The following AMPH variants were observed in gnomAD, a reference collection of about 807,000 sequenced individuals.
AMPH encodes amphiphysin, also known as amphiphysin (Stiff-Mann syndrome with breast cancer 128kD autoantigen).
AMPH carries 49 observed loss-of-function variants against 99.1 expected under a neutral mutation model. The observed-to-expected ratio is 0.49, with a 90% CI of 0.39 to 0.63. The LOEUF (loss-of-function observed/expected upper bound fraction) is 0.63. Ranked by LOEUF, AMPH falls within the 20% of genes least tolerant of loss-of-function variation. The probability of loss-of-function intolerance (pLI) is 0.00; values close to 1 mark genes in which losing one functional copy is unlikely to be tolerated. For missense variants in AMPH, 759 were observed against 863.4 expected (o/e 0.88, Z 1.52); for synonymous variants, 314 against 317.3 (o/e 0.99, Z 0.11).
At chr7:38,411,994 T>C (rs1164613001) in intron 17 of AMPH, among the ~76,000 whole-genome samples, 1 of 152,230 alleles carries the variant, frequency 6.6e-6, no homozygotes, top group Admixed American at 6.5e-5. Flanking sequence ...AACCATCTTA[T>C]AATCATGTGT....
chr7:38,476,758 G>T lies in AMPH; in HGVS notation c.504+104C>A, dbSNP rs192924319. ...TATGTTTCAGTTTAAATTCTGTTCA[G>T]ATTCCAATCTCCTTTTATAGAGGAG... On this transcript the variant is annotated intron_variant, in intron 6 of 20. Coordinates refer to ENST00000356264, the MANE Select transcript of AMPH (RefSeq NM_001635.4). The T allele has an allele frequency of 5.4e-6, 4 of 741,932 alleles. No homozygotes were observed. In the East Asian group the frequency reaches 7.8e-5, roughly 14 times the overall value. 46.0% of individuals were successfully genotyped at this position (741,932 alleles called of 1,614,324 possible). A position where few individuals can be genotyped will look rare whatever the true frequency, so the allele number is the denominator to read the frequency against.
intron 4 of AMPH, among the ~76,000 whole-genome samples, chr7:38,492,340 CAG>C (rs1429880994): frequency 3.3e-5 from 5 of 152,166 alleles, no homozygotes; most frequent in African/African-American, 1.2e-4. Flanking sequence ...GGCCAGTGCT[CAG>C]AGAGTCACCT....
chr7:38,563,446 C>G (rs537538621), intron 1 of AMPH, among the ~76,000 whole-genome samples: 18 of 152,134 alleles, frequency 1.2e-4, no homozygotes, highest in Non-Finnish European at 1.9e-4. Context: ...AGGCTATGAG[C>G]TCCACAAAAG....
intron 17 of AMPH, among the ~76,000 whole-genome samples, chr7:38,416,235 T>C (rs1046226797): frequency 1.3e-5 from 2 of 151,696 alleles, no homozygotes; most frequent in South Asian, 2.1e-4. Context: ...GATCGGTTTG[T>C]TGAAATGAGG....
chr7:38,581,580 G>A (rs66839065), intron 1 of AMPH, among the ~76,000 whole-genome samples: 42,778 of 152,026 alleles, frequency 0.28, 6,423 homozygotes, highest in Non-Finnish European at 0.34. Context: ...TTTGGGACAC[G>A]ATAGAGCCTC....
intron 15 of AMPH, among the ~76,000 whole-genome samples, chr7:38,424,893 T>G (rs73350721): frequency 0.022 from 3,308 of 152,164 alleles, 109 homozygotes; most frequent in African/African-American, 0.072. Flanking sequence ...GGAAGCAGGT[T>G]TCTTACAAAA....
At chr7:38,427,069 G>C in intron 14 of AMPH, 83 bp from the exon 15 acceptor site, 2 of 1,265,474 alleles carry the variant, frequency 1.6e-6, no homozygotes, top group Non-Finnish European at 2.3e-6. Context: ...AGACAAGTTG[G>C]AAAGTAAAGA....
chr7:38,585,939 A>G (rs1456448275), intron 1 of AMPH, among the ~76,000 whole-genome samples: 1 of 152,230 alleles, frequency 6.6e-6, no homozygotes, highest in Non-Finnish European at 1.5e-5. Flanking sequence ...CTAGCCTGAG[A>G]GATTTTTTTC....
intron 3 of AMPH, among the ~76,000 whole-genome samples, chr7:38,500,112 C>T (rs901589772): frequency 6.6e-6 from 1 of 152,158 alleles, no homozygotes; most frequent in Non-Finnish European, 1.5e-5. Context: ...GGTCCCAAAA[C>T]CCAAAATGTG....
chr7:38,526,597 T>A (rs1790199698), intron 2 of AMPH, among the ~76,000 whole-genome samples: 1 of 151,940 alleles, frequency 6.6e-6, no homozygotes, highest in Non-Finnish European at 1.5e-5. Flanking sequence ...ATTTTGCCCA[T>A]TTTCTAATGG....
chr7:38,410,076 G>A (rs955806755), intron 17 of AMPH, among the ~76,000 whole-genome samples: 4 of 152,206 alleles, frequency 2.6e-5, no homozygotes, highest in Non-Finnish European at 5.9e-5. Flanking sequence ...TAAAGAGATT[G>A]CTTAAGGAAG....
chr7:38,562,873 C>A (rs528319845), intron 1 of AMPH, among the ~76,000 whole-genome samples: 1 of 152,264 alleles, frequency 6.6e-6, no homozygotes, highest in East Asian at 1.9e-4. Context: ...TAACTTGAAA[C>A]AGAATTCCAA....
intron 2 of AMPH, among the ~76,000 whole-genome samples, chr7:38,519,147 TG>T (rs1160460676): frequency 3.3e-5 from 5 of 152,268 alleles, no homozygotes; most frequent in Admixed American, 3.3e-4. Flanking sequence ...GAGCCAATGC[TG>T]GCACCACATC....
chr7:38,450,828 G>A (rs908556249), intron 11 of AMPH, among the ~76,000 whole-genome samples: 1 of 152,098 alleles, frequency 6.6e-6, no homozygotes, highest in Non-Finnish European at 1.5e-5. Flanking sequence ...ATCCTAAAGG[G>A]AGGGTGAACA....
At chr7:38,471,494 T>A (rs1787885616) in intron 7 of AMPH, among the ~76,000 whole-genome samples, 1 of 152,200 alleles carries the variant, frequency 6.6e-6, no homozygotes, top group Non-Finnish European at 1.5e-5. Context: ...GAACTACTAA[T>A]CTTTGAAGAT....
In AMPH at chr7:38,391,691, G is replaced by A. The variant is rs993833024; in HGVS notation, c.1878+57C>T. On this transcript the variant is annotated intron_variant, in intron 19 of 20. Transcript: ENST00000356264. ...GTAAAAACTGGAAAACCAAAGGCTT[G>A]AGCAAAAGGGCCTTAAAGCAAAAAA... 40 of 1,556,678 alleles carry A rather than the reference G, an allele frequency of 2.6e-5. No individual in the cohort carries two copies. In the Admixed American group the frequency reaches 7.2e-4, roughly 28 times the overall value.
chr7:38,406,731 CCTCTCTCTCTCTCTCTCTCTCT>C (rs56738810), intron 17 of AMPH, among the ~76,000 whole-genome samples: 3 of 80,550 alleles, frequency 3.7e-5, no homozygotes, highest in Non-Finnish European at 2.4e-5. Context: ...TCTCCCTTTC[CCTCTCTCTCTCTCTCTCTCTCT>C]CTCTCTCTCT....
intron 11 of AMPH, among the ~76,000 whole-genome samples, chr7:38,459,544 A>G (rs1787360837): frequency 6.6e-6 from 1 of 152,150 alleles, no homozygotes; most frequent in African/African-American, 2.4e-5. Context: ...ATAAATCCAC[A>G]TTTTGACAGC....
At chr7:38,508,000 C>T (rs1221822068) in intron 2 of AMPH, among the ~76,000 whole-genome samples, 1 of 152,170 alleles carries the variant, frequency 6.6e-6, no homozygotes, top group African/African-American at 2.4e-5. Context: ...TTAGTAAATA[C>T]ATATGCCAAG....
Sources: gnomAD v4.1 joint callset for allele counts (sites outside exome capture counted in the v4.1 genomes callset) on GRCh38, gnomAD v4.1.1 for gene constraint, MANE v1.5 for transcripts, NCBI Gene and HGNC (gene_info 2026-07-23, HGNC 2026-07-21) for gene names.